FLNB: variants seen among roughly 807,000 people sequenced by gnomAD.
FLNB encodes the protein filamin-B.
FLNB carries 111 observed loss-of-function variants against 250.6 expected under a neutral mutation model. That is an observed-to-expected ratio of 0.44 (90% CI 0.38 to 0.52). FLNB has a LOEUF of 0.52. FLNB is among the 20% of genes least tolerant of loss of function. The pLI is 0.00. For synonymous variants in FLNB, 1,302 were observed against 1,372.1 expected (o/e 0.95, Z 1.13); for missense variants, 2,869 against 3,447.8 (o/e 0.83, Z 4.20).
At position 58,130,823 on chromosome 3, in the gene FLNB, C is replaced by T. The variant is rs201666672; in HGVS notation, c.4305C>T (p.Val1435=). The change falls in exon 25 of 46, where the codon GTC becomes GTT. Residue 1435 remains valine (V), a synonymous_variant. Transcript: ENST00000295956. ...CCGGCCCCGGGCTGGGCTCAGGCGT[C>T]CGAGCCCGTGTCCTGCAGTCCTTCA... is the stretch of plus-strand genomic sequence containing the variant. ...KIAGPGLGSG[V]RARVLQSFTV... The T allele has an allele frequency of 1.6e-5, 26 of 1,613,726 alleles. No homozygotes were observed. In the Admixed American group the frequency reaches 3.8e-4, roughly 24 times the overall value.
rs537036807 is a variant in FLNB at position 58,020,888 on chromosome 3, T to C, written c.292+12032T>C. ...TAAGATGAAAGATGGCAAGCAGCAG[T>C]CAGCTTTCCTTCAACAGGCAGGAAC... On this transcript the variant is annotated intron_variant, in intron 1 of 45. Coordinates refer to ENST00000295956, the MANE Select transcript of FLNB (RefSeq NM_001457.4). Among the ~76,000 whole-genome samples the C allele has an allele frequency of 1.9e-4, 29 of 152,046 alleles. No individual in the cohort carries two copies. The South Asian group carries it at 6.0e-3, about 32-fold the overall frequency.
intron 1 of FLNB, among the ~76,000 whole-genome samples, chr3:58,075,671 A>C (rs77786004): frequency 6.6e-6 from 1 of 152,186 alleles, no homozygotes; most frequent in Non-Finnish European, 1.5e-5. Context: ...TTCGGCTTCA[A>C]GGCTATCAAA....
intron 36 of FLNB, 56 bp downstream of exon 36, chr3:58,148,908 T>G: frequency 6.7e-7 from 1 of 1,482,240 alleles, no homozygotes. Context: ...CTTATTTTGC[T>G]GAGGCAGCGT....
intron 32 of FLNB, 97 bp downstream of exon 32, chr3:58,143,710 G>C (rs771503903): frequency 6.7e-7 from 1 of 1,482,992 alleles, no homozygotes; most frequent in Non-Finnish European, 9.3e-7. Context: ...AGCAGCTCTC[G>C]GCAGCAGGCT....
chr3:58,020,096 T>TGTGTGA (rs1553680503), intron 1 of FLNB, among the ~76,000 whole-genome samples: 1 of 114,758 alleles, frequency 8.7e-6, no homozygotes. Flanking sequence ...TGTGTGTGTG[T>TGTGTGA]TGAGGGGAGT....
chr3:58,168,309 C>T, intron 43 of FLNB, 131 bp from the exon 44 acceptor site: 1 of 750,476 alleles, frequency 1.3e-6, no homozygotes, highest in Non-Finnish European at 2.4e-6. Flanking sequence ...AGAGCTAGTG[C>T]CAGTGGGTTC....
At chr3:58,116,227 A>T (rs908848687) in intron 18 of FLNB, among the ~76,000 whole-genome samples, 1 of 152,210 alleles carries the variant, frequency 6.6e-6, no homozygotes, top group Non-Finnish European at 1.5e-5. Context: ...GGATGTGGTT[A>T]AGAGACCTGG....
rs571349162 is a variant in FLNB, at chr3:58,064,163, G to C, written c.293-12883G>C. On this transcript the variant is annotated intron_variant, in intron 1 of 45. Transcript: ENST00000295956. ...AAAATATGTGTATATTTTTTGAGACGAAGTTTCACTCTTGTCACCTAGGCT... is the reference window on the plus strand; with the variant it reads ...AAAATATGTGTATATTTTTTGAGACCAAGTTTCACTCTTGTCACCTAGGCT... 5.9e-5 allele frequency among the ~76,000 whole-genome samples: 9 copies of C among 152,196 alleles called. No individual in the cohort carries two copies. The South Asian group carries it at 1.9e-3, about 32-fold the overall frequency.
chr3:58,074,624 ATC>A (rs1464180961), intron 1 of FLNB, among the ~76,000 whole-genome samples: 8 of 152,342 alleles, frequency 5.3e-5, no homozygotes, highest in East Asian at 1.9e-4. Flanking sequence ...GTGAATTTGT[ATC>A]TGTTTCCTAT....
chr3:58,143,341 G>A lies in FLNB; in HGVS notation c.5285-132G>A, dbSNP rs527769569. 3 of 918,952 alleles carry A rather than the reference G, an allele frequency of 3.3e-6. No homozygotes were observed. The Admixed American group carries it at 6.0e-5, about 18-fold the overall frequency. 56.9% of individuals were successfully genotyped at this position (918,952 alleles called of 1,614,324 possible). A position where few individuals can be genotyped will look rare whatever the true frequency, so the allele number is the denominator to read the frequency against. On this transcript the variant is annotated intron_variant, in intron 31 of 45. Coordinates refer to ENST00000295956, the MANE Select transcript of FLNB (RefSeq NM_001457.4). The stretch of plus-strand genomic sequence containing the variant: ...AATGGTCTCTCCCATTGTGGGACTT[G>A]AATGTTTTAGGCAGCAACGAATGTT...
intron 1 of FLNB, among the ~76,000 whole-genome samples, chr3:58,038,144 C>T (rs2097140788): frequency 6.6e-6 from 1 of 152,096 alleles, no homozygotes; most frequent in African/African-American, 2.4e-5. Context: ...ATTCTCCTGC[C>T]TCAGCCTCCC....
At chr3:58,113,454 G>A (rs1220612236) in intron 18 of FLNB, among the ~76,000 whole-genome samples, 1 of 152,198 alleles carries the variant, frequency 6.6e-6, no homozygotes, top group African/African-American at 2.4e-5. Flanking sequence ...GAGCAGTCAA[G>A]AGTCAAGTGG....
At chr3:58,157,747 G>A (rs916748320) in intron 41 of FLNB, among the ~76,000 whole-genome samples, 8 of 152,150 alleles carry the variant, frequency 5.3e-5, no homozygotes, top group East Asian at 1.9e-4. Context: ...AGGATTTAGC[G>A]GCAAGCGGAT....
At chr3:58,121,131 G>A (rs2107166338) in intron 19 of FLNB, 110 bp from the exon 20 acceptor site, 1 of 1,383,844 alleles carries the variant, frequency 7.2e-7, no homozygotes, top group Non-Finnish European at 1.0e-6. Context: ...TGCTTACAGT[G>A]GAGGCTGAGA....
rs559261502 is a variant in FLNB at position 58,107,647 on chromosome 3, C to T, written c.1941+774C>T. Among the ~76,000 whole-genome samples the T allele has an allele frequency of 2.5e-3, 379 of 152,148 alleles. 2 individuals are homozygous for T. Among genetic ancestry groups the T allele is most frequent in the Middle Eastern group, 6.8e-3 (2 of 294 alleles). On this transcript the variant is annotated intron_variant, in intron 12 of 45. Coordinates refer to ENST00000295956, the MANE Select transcript of FLNB (RefSeq NM_001457.4). The stretch of plus-strand genomic sequence containing the variant: ...ATAAAGGATTTTTTTTTCCTAGTTC[C>T]GTGTCTCTTAAGTTGGAGCAATGTT...
At chr3:58,108,190 A>G (rs2097262870) in intron 12 of FLNB, among the ~76,000 whole-genome samples, 1 of 152,220 alleles carries the variant, frequency 6.6e-6, no homozygotes, top group Admixed American at 6.5e-5. Flanking sequence ...GTTGGGCTGC[A>G]TTCAAAGCCA....
At chr3:58,071,656 A>G (rs1576668938) in intron 1 of FLNB, among the ~76,000 whole-genome samples, 1 of 152,114 alleles carries the variant, frequency 6.6e-6, no homozygotes, top group Non-Finnish European at 1.5e-5. Context: ...AGGATGACCT[A>G]TTCCTTCTCA....
chr3:58,134,480 A>G, intron 26 of FLNB, 136 bp from the exon 27 acceptor site: 1 of 1,009,134 alleles, frequency 9.9e-7, no homozygotes, highest in Non-Finnish European at 1.6e-6. Flanking sequence ...AGACTTAGGC[A>G]CCTTGACTAA....
At chr3:58,046,300 G>C (rs1405549429) in intron 1 of FLNB, among the ~76,000 whole-genome samples, 1 of 151,826 alleles carries the variant, frequency 6.6e-6, no homozygotes, top group Non-Finnish European at 1.5e-5. Context: ...GCAGGCTAGA[G>C]GAATTTATAG....
Sources: gnomAD v4.1 joint callset for allele counts (sites outside exome capture counted in the v4.1 genomes callset) on GRCh38, gnomAD v4.1.1 for gene constraint, MANE v1.5 for transcripts, NCBI Gene and HGNC (gene_info 2026-07-23, HGNC 2026-07-21) for gene names.